Variants in SORCS3 observed in about 807,000 individuals in gnomAD.
The protein encoded by SORCS3 is sortilin related VPS10 domain containing receptor 3.
In SORCS3, 57 loss-of-function variants were observed where a neutral mutation model predicts 146.3. The observed-to-expected ratio is 0.39, with a 90% CI of 0.31 to 0.49. The LOEUF is 0.49. SORCS3 is among the 20% of genes least tolerant of loss of function. The pLI is 0.92. For synonymous variants in SORCS3, 653 were observed against 618.5 expected, an observed-to-expected ratio of 1.06 and a Z score of -0.83; for missense variants, 1,341 against 1,575.5, an observed-to-expected ratio of 0.85 and a Z score of 2.52.
At position 104,915,923 on chromosome 10, in the gene SORCS3, C is replaced by T. The variant is rs1280320628; in HGVS notation, c.786C>T (p.Asn262=). The change falls in exon 3 of 27, where the codon AAC becomes AAT. Residue 262 remains asparagine (N), a synonymous_variant. Coordinates refer to ENST00000369701, the MANE Select transcript of SORCS3 (RefSeq NM_014978.3). ...GTTACCTCTATGTCAATCCAACCAA[C>T]AAAAGGAAGGTAAGAGACTGGGTCA... ...VLSYLYVNPT[N]KRKIMLLSDP... 2 of 1,613,664 alleles carry T rather than the reference C, an allele frequency of 1.2e-6. No individual in the cohort carries two copies. The highest frequency in any genetic ancestry group is 1.7e-5 in the Admixed American group (1 of 60,012).
chr10:104,856,632 A>G (rs1017275576), intron 2 of SORCS3, among the ~76,000 whole-genome samples: 1 of 145,830 alleles, frequency 6.9e-6, no homozygotes, highest in East Asian at 2.0e-4. Flanking sequence ...ATAAATATAA[A>G]CAATTAGAGG....
At chr10:105,088,384 G>C (rs1407521013) in intron 5 of SORCS3, among the ~76,000 whole-genome samples, 1 of 152,184 alleles carries the variant, frequency 6.6e-6, no homozygotes, top group East Asian at 1.9e-4. Flanking sequence ...CATTTATTCA[G>C]CCTCTTTGGG....
chr10:104,708,835 AGGCAAT>A (rs2016379652), intron 1 of SORCS3, among the ~76,000 whole-genome samples: 1 of 152,188 alleles, frequency 6.6e-6, no homozygotes, highest in Non-Finnish European at 1.5e-5. Context: ...CCTGTTCCTC[AGGCAAT>A]CACAAAGCCC....
At chr10:105,211,315 G>T in intron 17 of SORCS3, 65 bp downstream of exon 17, 1 of 1,055,644 alleles carries the variant, frequency 9.5e-7, no homozygotes, top group South Asian at 1.3e-5. Flanking sequence ...AGGACCAAAG[G>T]AAATGCATTG....
chr10:104,940,236 ATATTTTTT>A (rs1488966772), intron 3 of SORCS3, among the ~76,000 whole-genome samples: 1,447 of 23,436 alleles, frequency 0.062, 14 homozygotes, highest in Middle Eastern at 0.14. Flanking sequence ...ATATATATAT[ATATTTTTT>A]TTTTTTTTTT....
chr10:104,653,587 G>T (rs2015588290), intron 1 of SORCS3, among the ~76,000 whole-genome samples: 1 of 152,182 alleles, frequency 6.6e-6, no homozygotes, highest in Non-Finnish European at 1.5e-5. Flanking sequence ...ACTCTCAAAA[G>T]ATCCAGGCTT....
At chr10:104,771,161 C>T (rs565307295) in intron 1 of SORCS3, among the ~76,000 whole-genome samples, 1 of 152,288 alleles carries the variant, frequency 6.6e-6, no homozygotes, top group South Asian at 2.1e-4. Context: ...GTCGGCATCA[C>T]CTGGGAGCTT....
intron 5 of SORCS3, among the ~76,000 whole-genome samples, chr10:105,055,248 A>G (rs891349260): frequency 3.9e-5 from 6 of 152,202 alleles, no homozygotes; most frequent in African/African-American, 1.2e-4. Context: ...GAACAGGGTA[A>G]CCTTGAGATA....
At chr10:105,010,888 A>T (rs1050370940) in intron 4 of SORCS3, among the ~76,000 whole-genome samples, 2 of 152,106 alleles carry the variant, frequency 1.3e-5, no homozygotes, top group Non-Finnish European at 2.9e-5. Flanking sequence ...TGGTATAGTG[A>T]CAGGTGATAT....
At position 105,232,221 on chromosome 10, in the gene SORCS3, G is replaced by T. The variant is rs542032762; in HGVS notation, c.2868+8972G>T. Reference sequence around the variant, plus strand: ...AATTACTGATTCAATTTATTTAATAGATATAGTTCTATTCAAATAACCTTT... The same window carrying T: ...AATTACTGATTCAATTTATTTAATATATATAGTTCTATTCAAATAACCTTT... On this transcript the variant is annotated intron_variant, in intron 20 of 26. Transcript: ENST00000369701. Among the ~76,000 whole-genome samples the T allele has an allele frequency of 4.6e-5, 7 of 152,192 alleles. No homozygotes were observed. In the South Asian group the frequency reaches 1.5e-3, roughly 32 times the overall value.
At chr10:104,695,639 T>C (rs2016165412) in intron 1 of SORCS3, among the ~76,000 whole-genome samples, 1 of 152,024 alleles carries the variant, frequency 6.6e-6, no homozygotes, top group Admixed American at 6.6e-5. Context: ...TGTGTGATCA[T>C]ATGCATGCAA....
chr10:105,054,526 A>G (rs1447365452), intron 5 of SORCS3, among the ~76,000 whole-genome samples: 1 of 151,904 alleles, frequency 6.6e-6, no homozygotes, highest in Non-Finnish European at 1.5e-5. Flanking sequence ...TAATAACTTA[A>G]TAATTTTCCA....
chr10:104,820,675 G>T (rs1298011260), intron 1 of SORCS3, among the ~76,000 whole-genome samples: 1 of 152,094 alleles, frequency 6.6e-6, no homozygotes, highest in African/African-American at 2.4e-5. Context: ...ATTTTATTTA[G>T]AATATTTGCA....
chr10:104,945,649 T>G (rs2019362979), intron 3 of SORCS3, among the ~76,000 whole-genome samples: 1 of 151,792 alleles, frequency 6.6e-6, no homozygotes, highest in Non-Finnish European at 1.5e-5. Flanking sequence ...TGTACCATTA[T>G]GATTTTTGAA....
intron 20 of SORCS3, among the ~76,000 whole-genome samples, chr10:105,238,026 C>T (rs972764124): frequency 6.6e-6 from 1 of 152,122 alleles, no homozygotes; most frequent in Admixed American, 6.5e-5. Context: ...TGACATTCTC[C>T]ATACCTTCAA....
chr10:104,935,428 G>A (rs2019250495), intron 3 of SORCS3, among the ~76,000 whole-genome samples: 1 of 152,184 alleles, frequency 6.6e-6, no homozygotes, highest in Admixed American at 6.5e-5. Context: ...CCAAGGAGAT[G>A]TTTAAATACA....
intron 1 of SORCS3, among the ~76,000 whole-genome samples, chr10:104,746,096 T>C (rs2016905648): frequency 6.6e-6 from 1 of 152,034 alleles, no homozygotes; most frequent in Non-Finnish European, 1.5e-5. Context: ...ATAATAATTG[T>C]ATATATTTAT....
At chr10:104,877,095 C>G (rs908634053) in intron 2 of SORCS3, among the ~76,000 whole-genome samples, 1 of 152,102 alleles carries the variant, frequency 6.6e-6, no homozygotes, top group African/African-American at 2.4e-5. Context: ...AAGTAATCCT[C>G]CTGCTTTGGC....
At chr10:105,172,885 G>C (rs905965201) in intron 13 of SORCS3, among the ~76,000 whole-genome samples, 2 of 152,062 alleles carry the variant, frequency 1.3e-5, no homozygotes, top group Non-Finnish European at 2.9e-5. Context: ...ACTTGTAGTT[G>C]ACAAATGACT....
Sources: gnomAD v4.1 joint callset for allele counts (sites outside exome capture counted in the v4.1 genomes callset) on GRCh38, gnomAD v4.1.1 for gene constraint, MANE v1.5 for transcripts, NCBI Gene and HGNC (gene_info 2026-07-23, HGNC 2026-07-21) for gene names.